CAST: variants seen among roughly 807,000 people sequenced by gnomAD.
CAST encodes MIR583 host.
Under a neutral mutation model 119.6 loss-of-function variants are expected in CAST, and 76 were observed. The ratio of observed to expected loss-of-function variants is 0.64; its 90% CI spans 0.53 to 0.77. The LOEUF is 0.77. Ranked by LOEUF, CAST falls within the 30% of genes least tolerant of loss-of-function variation. The pLI is 0.00. For missense variants in CAST, 953 were observed against 946.5 expected, an observed-to-expected ratio of 1.01 and a Z score of -0.09; for synonymous variants, 319 against 331.6, an observed-to-expected ratio of 0.96 and a Z score of 0.41.
At chr5:96,214,482 A>G in the CAST span, among the ~76,000 whole-genome samples, 2 of 152,222 alleles carry the variant, frequency 1.3e-5, no homozygotes, top group African/African-American at 4.8e-5. Flanking sequence ...CATGAAATAA[A>G]ACAAAATTCT....
At chr5:96,167,874 C>G in the CAST span, among the ~76,000 whole-genome samples, 141 of 152,226 alleles carry the variant, frequency 9.3e-4, no homozygotes, top group South Asian at 2.7e-3. Context: ...GCCCGAGCTT[C>G]ATGTGTAGGG....
intron 1 of CAST, among the ~76,000 whole-genome samples, chr5:96,550,241 G>A (rs1010097020): frequency 6.6e-6 from 1 of 152,208 alleles, no homozygotes; most frequent in African/African-American, 2.4e-5. Flanking sequence ...TTGCTGTTCT[G>A]CAGCCTCTGC....
chr5:96,481,109 G>GA, the CAST span, among the ~76,000 whole-genome samples: 2 of 146,062 alleles, frequency 1.4e-5, no homozygotes, highest in Non-Finnish European at 3.0e-5. Flanking sequence ...CTCAATCAAA[G>GA]TTTTTTTTTT....
chr5:96,459,273 G>A, the CAST span, among the ~76,000 whole-genome samples: 4 of 152,082 alleles, frequency 2.6e-5, no homozygotes, highest in Admixed American at 2.0e-4. Context: ...ATGACAGAAG[G>A]CCTCCTTGTG....
At chr5:96,070,321 G>A in the CAST span, among the ~76,000 whole-genome samples, 1 of 152,108 alleles carries the variant, frequency 6.6e-6, no homozygotes, top group Non-Finnish European at 1.5e-5. Flanking sequence ...TTCCTAACTA[G>A]ACATTTATTA....
chr5:96,709,491 G>T (rs1755674508), intron 3 of CAST, among the ~76,000 whole-genome samples: 1 of 152,034 alleles, frequency 6.6e-6, no homozygotes, highest in Non-Finnish European at 1.5e-5. Flanking sequence ...TATTTTTTAT[G>T]TTAAATTTTA....
intron 21 of CAST, 105 bp from the exon 22 acceptor site, chr5:96,754,553 C>A (rs190004811): frequency 2.7e-6 from 2 of 727,386 alleles, no homozygotes; most frequent in Admixed American, 4.5e-5. Flanking sequence ...TATGTACTTC[C>A]TAACCTAATG....
chr5:96,460,540 AAAAT>A, the CAST span, among the ~76,000 whole-genome samples: 1 of 149,300 alleles, frequency 6.7e-6, no homozygotes, highest in Non-Finnish European at 1.5e-5. Context: ...AACTTAAAGT[AAAAT>A]AAATAAATAA....
At chr5:96,032,468 A>T in the CAST span, among the ~76,000 whole-genome samples, 1 of 152,256 alleles carries the variant, frequency 6.6e-6, no homozygotes, top group South Asian at 2.1e-4. Flanking sequence ...TCTTTAGAAT[A>T]GAGGAATTAA....
intron 1 of CAST, among the ~76,000 whole-genome samples, chr5:96,613,605 A>G (rs190444520): frequency 6.6e-5 from 10 of 152,280 alleles, no homozygotes; most frequent in Non-Finnish European, 1.0e-4. Context: ...ATCTGACCCC[A>G]AATTCTGTGT....
chr5:96,298,879 A>AGTGTGTGTGTGTGTGT, the CAST span, among the ~76,000 whole-genome samples: 415 of 149,698 alleles, frequency 2.8e-3, 2 homozygotes, highest in African/African-American at 9.8e-3. Flanking sequence ...AAATTAGGAG[A>AGTGTGTGTGTGTGTGT]GTGTGTGTGT....
chr5:96,362,181 G>A, the CAST span, among the ~76,000 whole-genome samples: 2 of 152,036 alleles, frequency 1.3e-5, no homozygotes, highest in South Asian at 2.1e-4. Flanking sequence ...TTTTATGGCT[G>A]CATAGTATTC....
the CAST span, among the ~76,000 whole-genome samples, chr5:96,275,142 G>A: frequency 1.3e-5 from 2 of 152,212 alleles, no homozygotes; most frequent in Non-Finnish European, 2.9e-5. Context: ...AGATAATTGT[G>A]TCTGAGATAA....
chr5:96,494,255 T>C, the CAST span, among the ~76,000 whole-genome samples: 3 of 152,194 alleles, frequency 2.0e-5, no homozygotes, highest in South Asian at 6.2e-4. Context: ...TAACTTGTGG[T>C]GGGTAGCTTT....
At chr5:96,054,681 C>T in the CAST span, among the ~76,000 whole-genome samples, 1 of 152,124 alleles carries the variant, frequency 6.6e-6, no homozygotes, top group South Asian at 2.1e-4. Flanking sequence ...TACAATATTG[C>T]CGTATGTGAA....
chr5:96,236,966 G>C, the CAST span, among the ~76,000 whole-genome samples: 2 of 152,184 alleles, frequency 1.3e-5, no homozygotes, highest in African/African-American at 4.8e-5. Context: ...CCAGTCAGAA[G>C]TACTGTCTTC....
At chr5:96,139,242 A>G in the CAST span, among the ~76,000 whole-genome samples, 1 of 151,810 alleles carries the variant, frequency 6.6e-6, no homozygotes, top group Non-Finnish European at 1.5e-5. Context: ...AGATCTTCCT[A>G]TATAAAGTCT....
chr5:96,742,612 A>T lies in CAST; in HGVS notation c.1099-43A>T, dbSNP rs1320979440. ...GAAGTAAATGGATTGTTCGGGCTCC[A>T]GAGATGTCTTTTTTCATGCACAGGA... is the stretch of plus-strand genomic sequence containing the variant. On this transcript the variant is annotated intron_variant, in intron 15 of 31. Coordinates refer to ENST00000675179, the MANE Select transcript of CAST (RefSeq NM_001750.7). 3 of 1,205,486 alleles carry T rather than the reference A, an allele frequency of 2.5e-6. 1 individual carries two copies. In the South Asian group the frequency reaches 3.6e-5, roughly 15 times the overall value. The allele number at this position is 1,205,486 out of a possible 1,614,324, so 74.7% of individuals were successfully genotyped here. A position where few individuals can be genotyped will look rare whatever the true frequency, so the allele number is the denominator to read the frequency against.
At chr5:96,565,077 G>GGGGTGTGTGTGTGT (rs1554068075) in intron 1 of CAST, among the ~76,000 whole-genome samples, 1 of 148,642 alleles carries the variant, frequency 6.7e-6, no homozygotes, top group Admixed American at 6.7e-5. Flanking sequence ...ACATGGGAAA[G>GGGGTGTGTGTGTGT]GTGTGTGTGT....
Sources: allele counts gnomAD v4.1 joint callset (sites outside exome capture counted in the v4.1 genomes callset), GRCh38; gene constraint gnomAD v4.1.1; transcripts MANE v1.5; gene names NCBI Gene and HGNC (gene_info 2026-07-23, HGNC 2026-07-21).